TAF1B: variants seen among roughly 807,000 people sequenced by gnomAD.
TAF1B encodes the protein TATA-box binding protein associated factor, RNA polymerase I subunit B.
In TAF1B, 61 loss-of-function variants were observed where a neutral mutation model predicts 83.9. The ratio of observed to expected loss-of-function variants is 0.73; its 90% CI spans 0.59 to 0.90. The LOEUF (loss-of-function observed/expected upper bound fraction) is 0.90. TAF1B is among the 40% of genes least tolerant of loss of function. TAF1B has a pLI of 0.00. For missense variants in TAF1B, 625 were observed against 677.0 expected (o/e 0.92, Z 0.85); for synonymous variants, 221 against 224.6 (o/e 0.98, Z 0.14).
intron 8 of TAF1B, among the ~76,000 whole-genome samples, chr2:9,897,252 T>C (rs1319236459): frequency 6.6e-6 from 1 of 152,234 alleles, no homozygotes. Context: ...CAATTTATTC[T>C]GTCAGTGACT....
At chr2:9,928,543 G>A (rs1666115019) in intron 14 of TAF1B, among the ~76,000 whole-genome samples, 1 of 152,100 alleles carries the variant, frequency 6.6e-6, no homozygotes, top group Admixed American at 6.6e-5. Flanking sequence ...GTTGAGCAGT[G>A]GTTTGTAGTT....
intron 5 of TAF1B, among the ~76,000 whole-genome samples, chr2:9,864,764 G>A (rs1663908890): frequency 6.6e-6 from 1 of 152,112 alleles, no homozygotes. Context: ...CTTCATCCCT[G>A]GGATGCAAGG....
intron 7 of TAF1B, among the ~76,000 whole-genome samples, chr2:9,877,901 A>C (rs1243202036): frequency 1.3e-5 from 2 of 151,542 alleles, no homozygotes; most frequent in Non-Finnish European, 1.5e-5. Flanking sequence ...AAATGCCTTC[A>C]AGGAGATTAA....
intron 7 of TAF1B, among the ~76,000 whole-genome samples, chr2:9,878,210 ATTC>A (rs1297482689): frequency 1.4e-5 from 2 of 146,326 alleles, no homozygotes; most frequent in African/African-American, 2.5e-5. Flanking sequence ...CCTTCAGGGG[ATTC>A]TTCTTCTTTT....
chr2:9,873,862 TG>T (rs1664244004), intron 6 of TAF1B, among the ~76,000 whole-genome samples: 1 of 151,796 alleles, frequency 6.6e-6, no homozygotes, highest in Admixed American at 6.6e-5. Flanking sequence ...CCTGGAAGAG[TG>T]GTCTTCTGTT....
chr2:9,908,577 C>T (rs1291630910), intron 9 of TAF1B, among the ~76,000 whole-genome samples: 3 of 152,052 alleles, frequency 2.0e-5, no homozygotes, highest in East Asian at 1.9e-4. Context: ...CTCTAATTTC[C>T]TCCATTATAT....
At position 9,882,795 on chromosome 2, in the gene TAF1B, T is replaced by G; in HGVS notation, c.797T>G (p.Phe266Cys). The change falls in exon 8 of 15, where the codon TTT becomes TGT. Residue 266 changes from phenylalanine to cysteine, a missense_variant. Coordinates refer to ENST00000263663, the MANE Select transcript of TAF1B (RefSeq NM_005680.3). ...TTATATGGACGTGACAGAGGAATCT[T>G]TGGTATAGAGGTAAGTTATTTTCTT... is the stretch of plus-strand genomic sequence containing the variant. ...MKLYGRDRGI[F>C]GIESWPDYED... 1 of 1,609,010 alleles carries G rather than the reference T, an allele frequency of 6.2e-7. No individual in the cohort carries two copies. The highest frequency in any genetic ancestry group is 8.5e-7 in the Non-Finnish European group (1 of 1,177,368).
chr2:9,872,873 G>A (rs1229090329), intron 6 of TAF1B, among the ~76,000 whole-genome samples: 4 of 152,156 alleles, frequency 2.6e-5, no homozygotes, highest in African/African-American at 9.7e-5. Flanking sequence ...GTAATTTGCA[G>A]TTCCATTACG....
chr2:9,889,491 T>A (rs1240175656), intron 8 of TAF1B, among the ~76,000 whole-genome samples: 3 of 152,192 alleles, frequency 2.0e-5, no homozygotes, highest in African/African-American at 7.2e-5. Context: ...TTGTTTTCTT[T>A]TATATTCTTG....
chr2:9,911,044 A>C (rs535877509), intron 10 of TAF1B, 131 bp downstream of exon 10: 4 of 706,722 alleles, frequency 5.7e-6, no homozygotes, highest in African/African-American at 1.8e-5. Context: ...TATTTACCTA[A>C]TTATATGTTA....
At chr2:9,867,613 CTG>C (rs1205370027) in intron 5 of TAF1B, among the ~76,000 whole-genome samples, 1 of 152,092 alleles carries the variant, frequency 6.6e-6, no homozygotes, top group African/African-American at 2.4e-5. Flanking sequence ...GGCTTTTTGA[CTG>C]TGATCGGTTT....
At chr2:9,862,015 T>C (rs1663784964) in intron 5 of TAF1B, among the ~76,000 whole-genome samples, 1 of 151,584 alleles carries the variant, frequency 6.6e-6, no homozygotes, top group Non-Finnish European at 1.5e-5. Flanking sequence ...GCAGAAAAAC[T>C]GTAAACTCTA....
chr2:9,909,569 C>G (rs12479251), intron 9 of TAF1B, among the ~76,000 whole-genome samples: 6,684 of 152,048 alleles, frequency 0.044, 194 homozygotes, highest in Non-Finnish European at 0.066. Flanking sequence ...TTAGTGAGTT[C>G]ATGAGAGCAG....
In TAF1B at chr2:9,870,248, G is replaced by A. The variant is rs557628989; in HGVS notation, c.553+1819G>A. ...ACACCTATTGTAATCCCAGCATTTT[G>A]GGAGGCCAAGGAGGGAGGATCAGTT... On this transcript the variant is annotated intron_variant, in intron 6 of 14. Coordinates refer to ENST00000263663, the MANE Select transcript of TAF1B (RefSeq NM_005680.3). Among the ~76,000 whole-genome samples the A allele has an allele frequency of 5.3e-5, 8 of 152,242 alleles. No homozygotes were observed. In the East Asian group the frequency reaches 1.5e-3, roughly 29 times the overall value.
At chr2:9,845,449 C>G (rs575371108) in intron 2 of TAF1B, 131 bp downstream of exon 2, 2 of 665,730 alleles carry the variant, frequency 3.0e-6, no homozygotes, top group Middle Eastern at 8.1e-4. Context: ...TCCAAGGATG[C>G]ATGTGGTCTT....
At chr2:9,908,070 A>G (rs1364305248) in intron 9 of TAF1B, among the ~76,000 whole-genome samples, 4 of 73,032 alleles carry the variant, frequency 5.5e-5, no homozygotes, top group African/African-American at 1.0e-4. Context: ...TTTTGAGACA[A>G]AGTCTCACTC....
chr2:9,918,050 C>T (rs1456921991), intron 12 of TAF1B, among the ~76,000 whole-genome samples: 12 of 147,478 alleles, frequency 8.1e-5, no homozygotes, highest in South Asian at 2.1e-4. Flanking sequence ...CCAGCCTGGG[C>T]GACAGAGCGA....
chr2:9,899,781 C>CT (rs1558257107), intron 8 of TAF1B, among the ~76,000 whole-genome samples: 1 of 152,166 alleles, frequency 6.6e-6, no homozygotes, highest in Non-Finnish European at 1.5e-5. Flanking sequence ...ATGCCATTAA[C>CT]ATTTGCTATT....
chr2:9,908,191 G>A (rs962825280), intron 9 of TAF1B, among the ~76,000 whole-genome samples: 1 of 151,222 alleles, frequency 6.6e-6, no homozygotes, highest in East Asian at 1.9e-4. Flanking sequence ...GACTACAGGC[G>A]CCCGCCACCA....
Sources: allele counts gnomAD v4.1 joint callset (sites outside exome capture counted in the v4.1 genomes callset), GRCh38; gene constraint gnomAD v4.1.1; transcripts MANE v1.5; gene names NCBI Gene and HGNC (gene_info 2026-07-23, HGNC 2026-07-21).